PRKG1: variants seen among roughly 807,000 people sequenced by gnomAD.
PRKG1 encodes the protein cGMP-dependent protein kinase 1.
PRKG1 carries 35 observed loss-of-function variants against 88.1 expected under a neutral mutation model. The ratio of observed to expected loss-of-function variants is 0.40; its 90% CI spans 0.30 to 0.53. The LOEUF (loss-of-function observed/expected upper bound fraction) is 0.53, where lower values mean the gene tolerates loss of function less well. Among genes scored for constraint, PRKG1 ranks in the 20% least tolerant of loss-of-function variants. PRKG1 has a pLI of 0.59. For synonymous variants in PRKG1, 303 were observed against 292.5 expected (o/e 1.04, Z -0.37); for missense variants, 540 against 839.8 (o/e 0.64, Z 4.41).
intron 12 of PRKG1, among the ~76,000 whole-genome samples, 164 bp from the exon 13 acceptor site, chr10:52,280,625 C>T (rs952907618): frequency 1.3e-5 from 2 of 151,788 alleles, no homozygotes; most frequent in African/African-American, 4.8e-5. Flanking sequence ...TTGAATGCTT[C>T]AGAAAACCCA....
chr10:51,510,682 A>G (rs12261019), intron 3 of PRKG1, among the ~76,000 whole-genome samples: 24,092 of 151,954 alleles, frequency 0.16, 2,294 homozygotes, highest in Non-Finnish European at 0.22. Flanking sequence ...GCATATGTAT[A>G]TACACTAGAA....
intron 2 of PRKG1, among the ~76,000 whole-genome samples, chr10:51,182,427 A>G (rs965538147): frequency 6.6e-6 from 1 of 152,168 alleles, no homozygotes; most frequent in African/African-American, 2.4e-5. Context: ...GGTGGTATCC[A>G]TTTTACTGTA....
At chr10:51,986,586 G>C (rs1242948792) in intron 5 of PRKG1, among the ~76,000 whole-genome samples, 1 of 152,180 alleles carries the variant, frequency 6.6e-6, no homozygotes, top group Non-Finnish European at 1.5e-5. Context: ...TCAGCTGCCA[G>C]AGAAAAAGTC....
At chr10:51,083,736 CAT>C in intron 1 of PRKG1, among the ~76,000 whole-genome samples, 2 of 152,240 alleles carry the variant, frequency 1.3e-5, no homozygotes, top group South Asian at 4.1e-4. Flanking sequence ...GTGTGTCCCT[CAT>C]GAAGACTTCC....
intron 2 of PRKG1, among the ~76,000 whole-genome samples, chr10:51,233,315 A>G (rs1388589150): frequency 6.6e-6 from 1 of 152,178 alleles, no homozygotes; most frequent in East Asian, 1.9e-4. Flanking sequence ...CTTCATGAGA[A>G]CACCCCATTT....
intron 3 of PRKG1, among the ~76,000 whole-genome samples, chr10:51,532,206 G>A (rs1842036045): frequency 1.3e-5 from 2 of 152,070 alleles, no homozygotes; most frequent in Non-Finnish European, 2.9e-5. Context: ...TAGTTCATAC[G>A]CTATCTATAG....
At chr10:51,283,019 T>C (rs1223730889) in intron 2 of PRKG1, among the ~76,000 whole-genome samples, 1 of 152,100 alleles carries the variant, frequency 6.6e-6, no homozygotes, top group Non-Finnish European at 1.5e-5. Context: ...CCTTCTCTCT[T>C]AGCAAAGAGA....
rs35117709 is a variant in PRKG1, at chr10:51,970,001, TACAC to T, written c.762+62478_762+62481del. ...TTGCTTTATTTGCCCATTCTCTTCA[TACAC>T]ACACACACACACACACACACACACA... On this transcript the variant is annotated intron_variant, in intron 5 of 17. Transcript: ENST00000373980. Among the ~76,000 whole-genome samples the T allele has an allele frequency of 2.5e-3, 363 of 144,588 alleles. 1 individual carries two copies. Among genetic ancestry groups the T allele is most frequent in the African/African-American group, 8.0e-3 (310 of 38,612 alleles). The allele number at this position is 144,588 out of a possible 152,430, so 94.9% of individuals were successfully genotyped here.
chr10:51,059,271 A>G (rs1011649540), intron 1 of PRKG1, among the ~76,000 whole-genome samples: 1 of 152,214 alleles, frequency 6.6e-6, no homozygotes, highest in African/African-American at 2.4e-5. Flanking sequence ...TTGTGGTACC[A>G]TAAAGAAGTC....
chr10:51,971,261 A>G (rs932207415), intron 5 of PRKG1, among the ~76,000 whole-genome samples: 4 of 151,976 alleles, frequency 2.6e-5, no homozygotes, highest in African/African-American at 7.2e-5. Context: ...TTTTAGAAAA[A>G]TTTATAGAGC....
chr10:52,279,264 G>A (rs1382981524), intron 12 of PRKG1, among the ~76,000 whole-genome samples: 1 of 152,110 alleles, frequency 6.6e-6, no homozygotes, highest in East Asian at 1.9e-4. Context: ...GTAGCATGAA[G>A]TATATCATTT....
Position 51,074,955 on chromosome 10 carries a change from C to A in PRKG1, c.311+54C>A, listed in dbSNP as rs1326719842. 7 of 1,516,228 alleles carry A rather than the reference C, an allele frequency of 4.6e-6. No homozygotes were observed. The Admixed American group carries it at 8.1e-5, about 17-fold the overall frequency. 93.9% of individuals were successfully genotyped at this position (1,516,228 alleles called of 1,614,324 possible). A position where few individuals can be genotyped will look rare whatever the true frequency, so the allele number is the denominator to read the frequency against. On this transcript the variant is annotated intron_variant, in intron 1 of 17. Coordinates refer to ENST00000373980, the MANE Select transcript of PRKG1 (RefSeq NM_006258.4). ...GTGGCGCCCTGGCGATGGGGAGCTGCGGGTCTCTGTATTGTCTGTCGGCCC... is the reference window on the plus strand; with the variant it reads ...GTGGCGCCCTGGCGATGGGGAGCTGAGGGTCTCTGTATTGTCTGTCGGCCC...
chr10:51,058,417 G>C (rs537139525), intron 1 of PRKG1, among the ~76,000 whole-genome samples: 66 of 152,140 alleles, frequency 4.3e-4, no homozygotes, highest in African/African-American at 1.6e-3. Context: ...CAGCAAAATT[G>C]AGCAAAAGGT....
intron 7 of PRKG1, among the ~76,000 whole-genome samples, chr10:52,099,889 G>C (rs186624476): frequency 6.6e-6 from 1 of 152,208 alleles, no homozygotes; most frequent in Non-Finnish European, 1.5e-5. Context: ...GAGAGTGCTT[G>C]TAATGCATTT....
chr10:51,720,273 C>T (rs1234708014), intron 3 of PRKG1, among the ~76,000 whole-genome samples: 1 of 151,782 alleles, frequency 6.6e-6, no homozygotes, highest in African/African-American at 2.4e-5. Flanking sequence ...TACCATCTTA[C>T]CTCCTACACA....
chr10:51,757,002 C>A (rs1158251017), intron 3 of PRKG1, among the ~76,000 whole-genome samples: 2 of 151,964 alleles, frequency 1.3e-5, no homozygotes, highest in African/African-American at 2.4e-5. Context: ...CTTATATTTG[C>A]AAGAAACTGA....
chr10:51,077,015 T>G (rs1267174411), intron 1 of PRKG1, among the ~76,000 whole-genome samples: 1 of 152,188 alleles, frequency 6.6e-6, no homozygotes, highest in Non-Finnish European at 1.5e-5. Context: ...AAACATCTGT[T>G]CTTTTTTCAC....
chr10:52,155,463 G>T (rs1473928482), intron 8 of PRKG1, among the ~76,000 whole-genome samples: 1 of 151,668 alleles, frequency 6.6e-6, no homozygotes, highest in Admixed American at 6.6e-5. Context: ...TTTCATATTG[G>T]ATATTTCTAT....
intron 7 of PRKG1, among the ~76,000 whole-genome samples, chr10:52,095,201 C>T (rs1395366010): frequency 3.9e-5 from 6 of 152,090 alleles, no homozygotes; most frequent in African/African-American, 1.4e-4. Context: ...AGCTTTGCCC[C>T]TGTTATTTCC....
Sources: gnomAD v4.1 joint callset for allele counts (sites outside exome capture counted in the v4.1 genomes callset) on GRCh38, gnomAD v4.1.1 for gene constraint, MANE v1.5 for transcripts, NCBI Gene and HGNC (gene_info 2026-07-23, HGNC 2026-07-21) for gene names.